CCBE1: variants seen among roughly 807,000 people sequenced by gnomAD.
The protein encoded by CCBE1 is collagen and calcium-binding EGF domain-containing protein 1.
A neutral mutation model predicts 50.0 loss-of-function variants in CCBE1; 37 were observed. That is an observed-to-expected ratio of 0.74 (90% CI 0.57 to 0.97). The LOEUF is 0.97. Ranked by LOEUF, CCBE1 falls within the 50% of genes least tolerant of loss-of-function variation. CCBE1 has a pLI of 0.00. For synonymous variants in CCBE1, 234 were observed against 203.7 expected (o/e 1.15, Z -1.27); for missense variants, 538 against 523.8 (o/e 1.03, Z -0.26).
In CCBE1 at chr18:59,697,384, G is replaced by T; in HGVS notation, c.-42C>A. 6.5e-7 allele frequency: 1 copy of T among 1,534,952 alleles called. No homozygotes were observed. The highest frequency in any genetic ancestry group is 8.8e-7 in the Non-Finnish European group (1 of 1,142,310). On this transcript the variant is annotated 5_prime_UTR_variant, in exon 1 of 11. Coordinates refer to ENST00000439986, the MANE Select transcript of CCBE1 (RefSeq NM_133459.4). ...TTCTTCCCAGCGCCGAGCTCCGTCCGGACCAAGCGTCCTGCTCCTCCGCGG... is the reference window on the plus strand; with the variant it reads ...TTCTTCCCAGCGCCGAGCTCCGTCCTGACCAAGCGTCCTGCTCCTCCGCGG...
chr18:59,543,077 C>A (rs1390336082), intron 2 of CCBE1, among the ~76,000 whole-genome samples: 1 of 152,184 alleles, frequency 6.6e-6, no homozygotes, highest in African/African-American at 2.4e-5. Context: ...GCTTCCTTCT[C>A]GGGAAGCCTT....
At chr18:59,669,525 C>A (rs750919420) in intron 2 of CCBE1, among the ~76,000 whole-genome samples, 2 of 152,242 alleles carry the variant, frequency 1.3e-5, no homozygotes, top group Non-Finnish European at 2.9e-5. Context: ...AGAGTCACTA[C>A]TGGGGAACAC....
chr18:59,513,341 C>A (rs1175067559), intron 2 of CCBE1, among the ~76,000 whole-genome samples: 3 of 152,024 alleles, frequency 2.0e-5, no homozygotes, highest in Non-Finnish European at 4.4e-5. Context: ...CAAGAAAGGG[C>A]ACAGGTGCAG....
At chr18:59,637,308 A>G (rs2053927825) in intron 2 of CCBE1, among the ~76,000 whole-genome samples, 1 of 152,190 alleles carries the variant, frequency 6.6e-6, no homozygotes, top group African/African-American at 2.4e-5. Flanking sequence ...TGATGTTACA[A>G]TTCTTGATCC....
intron 2 of CCBE1, among the ~76,000 whole-genome samples, chr18:59,635,415 C>CTGAAA (rs10679194): frequency 0.2 from 30,221 of 151,562 alleles, 4,513 homozygotes; most frequent in African/African-American, 0.42. Flanking sequence ...TAAGGGAAAA[C>CTGAAA]TGAAATAAGG....
chr18:59,635,169 T>C (rs2053898733), intron 2 of CCBE1, among the ~76,000 whole-genome samples: 2 of 152,222 alleles, frequency 1.3e-5, no homozygotes, highest in South Asian at 4.1e-4. Flanking sequence ...TATTAGACTT[T>C]TGCAGCTACA....
intron 2 of CCBE1, among the ~76,000 whole-genome samples, chr18:59,631,412 C>G (rs1347295173): frequency 6.6e-6 from 1 of 152,140 alleles, no homozygotes; most frequent in Non-Finnish European, 1.5e-5. Context: ...GTTTCTTTCA[C>G]TTGCTACCGA....
intron 2 of CCBE1, among the ~76,000 whole-genome samples, chr18:59,618,504 G>A (rs1377957919): frequency 6.7e-6 from 1 of 150,012 alleles, no homozygotes; most frequent in African/African-American, 2.5e-5. Flanking sequence ...GCACAATCTC[G>A]GCTTACTGCA....
chr18:59,544,023 A>G lies in CCBE1; in HGVS notation c.213-63785T>C, dbSNP rs566291820. Among the ~76,000 whole-genome samples, 10 of 152,312 alleles carry G rather than the reference A, an allele frequency of 6.6e-5. No homozygotes were observed. The East Asian group carries it at 7.7e-4, about 12-fold the overall frequency. On this transcript the variant is annotated intron_variant, in intron 2 of 10. Coordinates refer to ENST00000439986, the MANE Select transcript of CCBE1 (RefSeq NM_133459.4). ...TTATTATGTTTGGTTTTTGTAGTCT[A>G]TGAAAACAGACTTTCCTTAGAAAGT...
chr18:59,437,720 G>A (rs1910224392), intron 10 of CCBE1, among the ~76,000 whole-genome samples: 1 of 152,194 alleles, frequency 6.6e-6, no homozygotes, highest in Non-Finnish European at 1.5e-5. Context: ...CATCTGGCCT[G>A]CTAGGGTTGC....
intron 7 of CCBE1, among the ~76,000 whole-genome samples, chr18:59,444,948 C>A (rs991524065): frequency 2.0e-5 from 3 of 152,068 alleles, no homozygotes; most frequent in Non-Finnish European, 4.4e-5. Flanking sequence ...ATATTAACCC[C>A]TTATCAGATA....
intron 2 of CCBE1, among the ~76,000 whole-genome samples, chr18:59,543,992 A>T (rs1915586661): frequency 6.6e-6 from 1 of 152,334 alleles, no homozygotes; most frequent in Middle Eastern, 3.4e-3. Flanking sequence ...TTCTGGAAGC[A>T]GGGGTTTATT....
intron 3 of CCBE1, among the ~76,000 whole-genome samples, chr18:59,474,030 C>A (rs775290440): frequency 2.6e-5 from 4 of 152,176 alleles, no homozygotes; most frequent in Non-Finnish European, 5.9e-5. Flanking sequence ...AGGATTATAG[C>A]CTCCAGCTCC....
At chr18:59,469,410 G>A in intron 4 of CCBE1, 63 bp downstream of exon 4, 1 of 1,609,210 alleles carries the variant, frequency 6.2e-7, no homozygotes, top group Non-Finnish European at 8.5e-7. Context: ...GTCCAACCAA[G>A]GACAGAACCA....
intron 2 of CCBE1, among the ~76,000 whole-genome samples, chr18:59,543,848 A>AAAG (rs1915576982): frequency 7.5e-6 from 1 of 134,150 alleles, no homozygotes; most frequent in African/African-American, 3.0e-5. Flanking sequence ...AAAAAAAAAA[A>AAAG]AAAAAAAAAA....
chr18:59,469,311 G>A (rs1331691723), intron 4 of CCBE1, among the ~76,000 whole-genome samples, 162 bp downstream of exon 4: 4 of 152,164 alleles, frequency 2.6e-5, no homozygotes, highest in South Asian at 2.1e-4. Flanking sequence ...GGCCTAATTG[G>A]TTTTAGTAAT....
intron 2 of CCBE1, among the ~76,000 whole-genome samples, chr18:59,508,627 G>T (rs1026041409): frequency 2.0e-5 from 3 of 146,366 alleles, no homozygotes; most frequent in Admixed American, 6.8e-5. Flanking sequence ...AAAAGAAAAA[G>T]AAACTACCCC....
At chr18:59,541,874 A>AG (rs1313966547) in intron 2 of CCBE1, among the ~76,000 whole-genome samples, 27 of 138,334 alleles carry the variant, frequency 2.0e-4, no homozygotes, top group Non-Finnish European at 3.2e-5. Flanking sequence ...TTTCTGCTTA[A>AG]TTAAAAAAAA....
intron 2 of CCBE1, among the ~76,000 whole-genome samples, chr18:59,673,038 A>G (rs1249629821): frequency 1.3e-5 from 2 of 152,242 alleles, no homozygotes; most frequent in East Asian, 3.9e-4. Flanking sequence ...GAAATAATCA[A>G]AAGTCAGCTG....
Sources: allele counts gnomAD v4.1 joint callset (sites outside exome capture counted in the v4.1 genomes callset), GRCh38; gene constraint gnomAD v4.1.1; transcripts MANE v1.5; gene names NCBI Gene and HGNC (gene_info 2026-07-23, HGNC 2026-07-21).